Variants in DNAH9 observed in about 807,000 individuals in gnomAD.
DNAH9 encodes the protein DNAH9 variant protein.
In DNAH9, 345 loss-of-function variants were observed where a neutral mutation model predicts 471.6. That is an observed-to-expected ratio of 0.73 (90% confidence interval 0.67 to 0.80). The LOEUF is 0.80. Among genes scored for constraint, DNAH9 ranks in the 30% least tolerant of loss-of-function variants. The probability of loss-of-function intolerance (pLI) is 0.00; values close to 1 mark genes in which losing one functional copy is unlikely to be tolerated. For synonymous variants in DNAH9, 2,093 were observed against 2,123.6 expected (o/e 0.99, Z 0.40); for missense variants, 5,407 against 5,609.2 (o/e 0.96, Z 1.15).
intron 49 of DNAH9, among the ~76,000 whole-genome samples, chr17:11,846,240 C>A (rs1267909325): frequency 1.5e-4 from 21 of 142,774 alleles, no homozygotes; most frequent in Non-Finnish European, 2.7e-4. Context: ...GTTTTCCCAG[C>A]ACCATTTATT....
chr17:11,902,692 C>T lies in DNAH9; in HGVS notation c.11407-27C>T. On this transcript the variant is annotated intron_variant, in intron 59 of 68. Transcript: ENST00000262442. ...AAATGACAGCTTTCTGGAGAAACTG[C>T]ATTTCAGATTCTCTGAAATTTCCCA... 1.3e-6 allele frequency: 2 copies of T among 1,592,522 alleles called. 1 individual carries two copies. The highest frequency in any genetic ancestry group is 2.2e-5 in the South Asian group (2 of 89,250).
chr17:11,654,954 A>G (rs1322705243), intron 14 of DNAH9, among the ~76,000 whole-genome samples: 1 of 152,066 alleles, frequency 6.6e-6, no homozygotes, highest in Non-Finnish European at 1.5e-5. Flanking sequence ...CAAATACAAA[A>G]CTTAGTAATT....
intron 53 of DNAH9, among the ~76,000 whole-genome samples, chr17:11,877,133 T>C (rs190053268): frequency 1.3e-5 from 2 of 151,914 alleles, no homozygotes; most frequent in East Asian, 3.9e-4. Context: ...ATGTTACATA[T>C]ATTTTACCAC....
chr17:11,725,533 C>T (rs769852122), intron 27 of DNAH9, among the ~76,000 whole-genome samples: 9 of 151,132 alleles, frequency 6.0e-5, no homozygotes, highest in African/African-American at 1.2e-4. Context: ...ATTCCAGAAG[C>T]TCAGTGAAAG....
intron 49 of DNAH9, among the ~76,000 whole-genome samples, chr17:11,839,752 T>C (rs1440723468): frequency 2.0e-5 from 3 of 152,202 alleles, no homozygotes; most frequent in Non-Finnish European, 4.4e-5. Flanking sequence ...TTTTACTGTA[T>C]GTATTTAAGG....
At chr17:11,678,668 T>A (rs970939514) in intron 17 of DNAH9, among the ~76,000 whole-genome samples, 6 of 152,168 alleles carry the variant, frequency 3.9e-5, no homozygotes, top group African/African-American at 1.2e-4. Context: ...TAAGATTTTT[T>A]TTTTCTTTTG....
intron 49 of DNAH9, among the ~76,000 whole-genome samples, chr17:11,847,997 T>C (rs1289211120): frequency 6.6e-6 from 1 of 152,092 alleles, no homozygotes; most frequent in Non-Finnish European, 1.5e-5. Context: ...CAGGTTCTGC[T>C]AACCCCTCCT....
intron 20 of DNAH9, among the ~76,000 whole-genome samples, chr17:11,693,093 T>G (rs1035267308): frequency 6.6e-6 from 1 of 150,428 alleles, no homozygotes; most frequent in Non-Finnish European, 1.5e-5. Flanking sequence ...TTTTGTATCT[T>G]TAGTAGAGAC....
At chr17:11,755,890 G>A (rs1429359453) in intron 33 of DNAH9, among the ~76,000 whole-genome samples, 1 of 152,184 alleles carries the variant, frequency 6.6e-6, no homozygotes, top group Non-Finnish European at 1.5e-5. Context: ...CCACGTAAAT[G>A]AGGAAGCCTC....
intron 37 of DNAH9, 126 bp from the exon 38 acceptor site, chr17:11,768,996 C>A: frequency 2.1e-6 from 2 of 948,236 alleles, no homozygotes; most frequent in Non-Finnish European, 3.3e-6. Context: ...ATACTCCTGA[C>A]CGGTGCTTAT....
intron 28 of DNAH9, among the ~76,000 whole-genome samples, chr17:11,732,759 G>A (rs770276630): frequency 2.6e-5 from 4 of 152,108 alleles, no homozygotes; most frequent in Admixed American, 6.5e-5. Context: ...ATCTGCGCCC[G>A]GGGACATGTG....
chr17:11,739,950 T>A (rs1371223546), intron 29 of DNAH9, among the ~76,000 whole-genome samples: 1 of 152,052 alleles, frequency 6.6e-6, no homozygotes, highest in Admixed American at 6.6e-5. Context: ...TCCGGAGAGG[T>A]TGTCAACACT....
At chr17:11,628,097 G>T (rs908351554) in intron 6 of DNAH9, among the ~76,000 whole-genome samples, 8 of 152,176 alleles carry the variant, frequency 5.3e-5, no homozygotes, top group Admixed American at 2.0e-4. Context: ...TGGCCAAAAT[G>T]ACACAAAGGG....
chr17:11,670,384 T>G (rs1180180407), intron 17 of DNAH9, among the ~76,000 whole-genome samples: 1 of 152,176 alleles, frequency 6.6e-6, no homozygotes, highest in African/African-American at 2.4e-5. Flanking sequence ...CCGGTCACTT[T>G]ACCTTGGCCT....
chr17:11,890,494 C>A (rs1316126683), intron 57 of DNAH9, among the ~76,000 whole-genome samples: 1 of 89,198 alleles, frequency 1.1e-5, no homozygotes, highest in Non-Finnish European at 3.2e-5. Flanking sequence ...TATTGAGACT[C>A]AAATCTTATC....
At chr17:11,823,060 C>T (rs368079909) in intron 48 of DNAH9, 26 bp downstream of exon 48, 2 of 1,580,210 alleles carry the variant, frequency 1.3e-6, no homozygotes, top group African/African-American at 2.7e-5. Flanking sequence ...CTCCTTCCAC[C>T]TGCAGGGGAC....
chr17:11,639,591 G>T (rs1198621317), intron 9 of DNAH9, among the ~76,000 whole-genome samples: 1 of 152,146 alleles, frequency 6.6e-6, no homozygotes, highest in African/African-American at 2.4e-5. Flanking sequence ...TAATTAAGCA[G>T]GGAAGATATT....
At chr17:11,704,117 A>G in intron 24 of DNAH9, 86 bp from the exon 25 acceptor site, 1 of 1,479,606 alleles carries the variant, frequency 6.8e-7, no homozygotes, top group Non-Finnish European at 9.3e-7. Context: ...CCACACAATT[A>G]CATCCTGAGC....
intron 36 of DNAH9, among the ~76,000 whole-genome samples, chr17:11,767,777 T>C (rs1265214397): frequency 6.6e-6 from 1 of 152,070 alleles, no homozygotes; most frequent in Non-Finnish European, 1.5e-5. Context: ...AGGGGCCCAT[T>C]ATCTAATAGG....
Sources: allele counts gnomAD v4.1 joint callset (sites outside exome capture counted in the v4.1 genomes callset), GRCh38; gene constraint gnomAD v4.1.1; transcripts MANE v1.5; gene names NCBI Gene and HGNC (gene_info 2026-07-23, HGNC 2026-07-21).